Variants in TRPM2 observed in about 807,000 individuals in gnomAD.
TRPM2 encodes the protein estrogen-responsive element-associated gene 1 protein.
In TRPM2, 161 loss-of-function variants were observed where a neutral mutation model predicts 174.0. That is an observed-to-expected ratio of 0.93 (90% CI 0.81 to 1.05). The LOEUF (loss-of-function observed/expected upper bound fraction) is 1.05. Ranked by LOEUF, TRPM2 falls within the 50% of genes least tolerant of loss-of-function variation. TRPM2 has a pLI of 0.00. For synonymous variants in TRPM2, 954 were observed against 861.3 expected, an observed-to-expected ratio of 1.11 and a Z score of -1.88; for missense variants, 2,057 against 2,038.0, an observed-to-expected ratio of 1.01 and a Z score of -0.18.
At chr21:44,412,341 A>G (rs1425265154) in intron 19 of TRPM2, among the ~76,000 whole-genome samples, 5 of 151,908 alleles carry the variant, frequency 3.3e-5, no homozygotes, top group Non-Finnish European at 7.4e-5. Flanking sequence ...TCTTTCTAGG[A>G]ATTTGTCCAT....
In TRPM2 at chr21:44,418,155, G is replaced by A. The variant is rs1193142671; in HGVS notation, c.3328+47G>A. 1.9e-6 allele frequency: 3 copies of A among 1,575,710 alleles called. No individual in the cohort carries two copies. In the African/African-American group the frequency reaches 4.0e-5, roughly 21 times the overall value. Reference sequence around the variant, plus strand: ...TCCTGAATGTCCTGGCCACCCGGGTGCAGAGGGGGTGGAGATGGCATGGCA... The same window carrying A: ...TCCTGAATGTCCTGGCCACCCGGGTACAGAGGGGGTGGAGATGGCATGGCA... On this transcript the variant is annotated intron_variant, in intron 21 of 31. Coordinates refer to ENST00000397928, the MANE Select transcript of TRPM2 (RefSeq NM_003307.4).
At position 44,377,734 on chromosome 21, in the gene TRPM2, C is replaced by A. The variant is rs767415235; in HGVS notation, c.975C>A (p.Ile325=). Residue 325 remains isoleucine, a synonymous_variant, in exon 7 of 32, where the codon ATC becomes ATA. Transcript: ENST00000397928. The part of the protein sequence containing the change: ...ERGGVAIKIP[I]VCVVLEGGPG... ...TAGGTGTGGCCATCAAGATCCCCAT[C>A]GTGTGCGTGGTGCTGGAGGGCGGCC... 1.2e-6 allele frequency: 2 copies of A among 1,614,072 alleles called. No homozygotes were observed. The highest frequency in any genetic ancestry group is 2.7e-5 in the African/African-American group (2 of 74,946).
Position 44,391,016 on chromosome 21 carries a change from G to A in TRPM2, c.1431G>A (p.Trp477Ter). 1.2e-6 allele frequency: 2 copies of A among 1,613,988 alleles called. No individual in the cohort carries two copies. The highest frequency in any genetic ancestry group is 1.7e-6 in the Non-Finnish European group (2 of 1,180,036). ...IARSEIFMDEWQWKPSDLHPT... is the reference protein window; with the variant it reads ...IARSEIFMDE The stretch of plus-strand genomic sequence containing the variant: ...GCAGTGAGATCTTCATGGATGAGTG[G>A]CAGTGGAAGGTAAGTCTTCCAGAGC... Residue 477 changes from tryptophan to a stop codon, truncating the protein, a stop_gained, in exon 10 of 32, where the codon TGG (tryptophan) becomes TGA (stop). Coordinates refer to ENST00000397928, the MANE Select transcript of TRPM2 (RefSeq NM_003307.4). LOFTEE classifies it high-confidence loss of function. The surrounding 1 kb of genome is among the most constrained non-coding windows in gnomAD (Gnocchi z 5.0).
At chr21:44,402,077 C>T (rs1160223542) in intron 16 of TRPM2, among the ~76,000 whole-genome samples, 180 bp downstream of exon 16, 1 of 152,154 alleles carries the variant, frequency 6.6e-6, no homozygotes, top group East Asian at 1.9e-4. Context: ...CAAGCCCCTC[C>T]CTCCTCATGC....
intron 27 of TRPM2, among the ~76,000 whole-genome samples, chr21:44,434,430 CGGGGACTATGGCGGGGATGCTGCT>C (rs2146407954): frequency 6.6e-6 from 1 of 151,836 alleles, no homozygotes; most frequent in South Asian, 2.1e-4. Flanking sequence ...GGGATGCTGT[CGGGGACTATGGCGGGGATGCTGCT>C]GGGGACCTTC....
intron 2 of TRPM2, among the ~76,000 whole-genome samples, chr21:44,355,556 A>T (rs543180744): frequency 6.6e-6 from 1 of 151,854 alleles, no homozygotes; most frequent in Non-Finnish European, 1.5e-5. Context: ...CTCCTACCGC[A>T]CCGTGTGTTT....
At chr21:44,379,318 GC>G in intron 8 of TRPM2, 121 bp downstream of exon 8, 2 of 1,201,002 alleles carry the variant, frequency 1.7e-6, no homozygotes, top group Non-Finnish European at 2.4e-6. Context: ...CTGAGTGGGT[GC>G]CAGAGCGATT....
rs183183133 is a variant in TRPM2 at position 44,377,693 on chromosome 21, G to T, written c.953-19G>T. On this transcript the variant is annotated intron_variant, in intron 6 of 31. Transcript: ENST00000397928. ...CTTTGTTTAGGTGTGGCCCTCACTC[G>T]GCTGTGTGCTTTTTCTAGGTGTGGC... The T allele has an allele frequency of 3.7e-6, 6 of 1,613,794 alleles. No individual in the cohort carries two copies. The African/African-American group carries it at 6.7e-5, about 18-fold the overall frequency.
At position 44,378,947 on chromosome 21, in the gene TRPM2, C is replaced by T. The variant is rs199900637; in HGVS notation, c.1015-50C>T. 848 of 1,561,196 alleles carry T rather than the reference C, an allele frequency of 5.4e-4. 4 individuals carry two copies. The African/African-American group carries it at 9.5e-3, about 18-fold the overall frequency. On this transcript the variant is annotated intron_variant, in intron 7 of 31. Coordinates refer to ENST00000397928, the MANE Select transcript of TRPM2 (RefSeq NM_003307.4). The stretch of plus-strand genomic sequence containing the variant: ...GAGAATTCTCCATTTCAGAAAGCAT[C>T]GGAGCGGTGAGGACCCAGTCCCGGG...
At chr21:44,406,812 A>T (rs1318900516) in intron 19 of TRPM2, 47 bp downstream of exon 19, 1 of 1,558,982 alleles carries the variant, frequency 6.4e-7, no homozygotes, top group South Asian at 1.2e-5. Context: ...GCCGGGAAGC[A>T]GGAGAGAGGC....
At chr21:44,361,474 C>T (rs2048207537) in intron 2 of TRPM2, among the ~76,000 whole-genome samples, 1 of 152,222 alleles carries the variant, frequency 6.6e-6, no homozygotes, top group Non-Finnish European at 1.5e-5. Flanking sequence ...TGTGTCATTA[C>T]ACTTCAAGTG....
At chr21:44,416,917 C>T (rs1369160780) in intron 20 of TRPM2, among the ~76,000 whole-genome samples, 105 of 112,086 alleles carry the variant, frequency 9.4e-4, no homozygotes, top group Middle Eastern at 7.8e-3. Flanking sequence ...ACAGTGTGCA[C>T]GTGGGCGTGG....
In TRPM2 at chr21:44,437,153, T is replaced by C; in HGVS notation, c.4153T>C (p.Trp1385Arg). The C allele has an allele frequency of 6.4e-7, 1 of 1,551,188 alleles. No individual in the cohort carries two copies. Among genetic ancestry groups the C allele is most frequent in the Non-Finnish European group, 8.7e-7 (1 of 1,146,816 alleles). ...GGTGAAGCTCCCTCTCTCCGAGCAC[T>C]GGGCCCTGCCTGGGGTAAGGCTGCC... Reference protein sequence around the residue: ...LVVKLPLSEHWALPGGSREPG... With the variant: ...LVVKLPLSEHRALPGGSREPG... Residue 1385 changes from tryptophan (W) to arginine (R), a missense_variant, in exon 29 of 32, where the codon TGG becomes CGG. Coordinates refer to ENST00000397928, the MANE Select transcript of TRPM2 (RefSeq NM_003307.4).
At chr21:44,401,065 A>T (rs2049601413) in intron 15 of TRPM2, among the ~76,000 whole-genome samples, 1 of 152,104 alleles carries the variant, frequency 6.6e-6, no homozygotes, top group Admixed American at 6.5e-5. Flanking sequence ...AGTGTTCAGG[A>T]ATCCTGGTGG....
At chr21:44,368,424 A>AT (rs936926639) in intron 4 of TRPM2, among the ~76,000 whole-genome samples, 4 of 135,342 alleles carry the variant, frequency 3.0e-5, no homozygotes, top group Admixed American at 7.4e-5. Context: ...TGTTTTTTTT[A>AT]TTTTTTTGTT....
At position 44,353,833 on chromosome 21, in the gene TRPM2, A is replaced by C. The variant is rs2047978620; in HGVS notation, c.133A>C (p.Arg45=). 6.2e-7 allele frequency: 1 copy of C among 1,601,512 alleles called. No individual in the cohort carries two copies. Among genetic ancestry groups the C allele is most frequent in the Non-Finnish European group, 8.5e-7 (1 of 1,174,896 alleles). Residue 45 remains arginine (R), a synonymous_variant, in exon 1 of 32, where the codon AGG becomes CGG. Transcript: ENST00000397928. The stretch of plus-strand genomic sequence containing the variant: ...CAACAGCAGCCTCTTCAAGAGCTGG[A>C]GGCTACAGTGCCCCTTCGGCAACAA... ...RSNSSLFKSW[R]LQCPFGNNDK...
Position 44,354,819 on chromosome 21 carries a change from C to G in TRPM2, c.254+83C>G. ...AGTAGCTGATCAGGCCAAGACCCCTCAGGGCCTCAGTGAAGGGTCACTGGA... is the reference window on the plus strand; with the variant it reads ...AGTAGCTGATCAGGCCAAGACCCCTGAGGGCCTCAGTGAAGGGTCACTGGA... On this transcript the variant is annotated intron_variant, in intron 2 of 31. Transcript: ENST00000397928. This position sits in a 1 kb window ranked among gnomAD's most constrained non-coding sequence, Gnocchi z 4.3. 8.0e-7 allele frequency: 1 copy of G among 1,252,310 alleles called. No homozygotes were observed. The highest frequency in any genetic ancestry group is 1.2e-5 in the South Asian group (1 of 83,146). The allele number at this position is 1,252,310 out of a possible 1,614,324, so 77.6% of individuals were successfully genotyped here.
At chr21:44,384,841 G>C (rs2048975985) in intron 9 of TRPM2, among the ~76,000 whole-genome samples, 2 of 152,178 alleles carry the variant, frequency 1.3e-5, no homozygotes, top group Non-Finnish European at 2.9e-5. Flanking sequence ...AGGGCTGATA[G>C]CTTCACTGGT....
In TRPM2 at chr21:44,395,468, T is replaced by C. The variant is rs1414761877; in HGVS notation, c.1849T>C (p.Phe617Leu). 5.0e-6 allele frequency: 8 copies of C among 1,613,046 alleles called. No homozygotes were observed. In the South Asian group the frequency reaches 8.8e-5, roughly 18 times the overall value. Reference sequence around the variant, plus strand: ...CAAGCGTTCCTCAGGCCATGTGACCTTCACCATGGACCCCATCCGTGACCT... The same window carrying C: ...CAAGCGTTCCTCAGGCCATGTGACCCTCACCATGGACCCCATCCGTGACCT... ...LYKRSSGHVT[F>L]TMDPIRDLLI... The change falls in exon 12 of 32, where the codon TTC (phenylalanine) becomes CTC (leucine). Residue 617 changes from phenylalanine to leucine, a missense_variant. Coordinates refer to ENST00000397928, the MANE Select transcript of TRPM2 (RefSeq NM_003307.4).
Sources: allele counts gnomAD v4.1 joint callset (sites outside exome capture counted in the v4.1 genomes callset), GRCh38; gene constraint gnomAD v4.1.1; non-coding constraint Gnocchi (gnomAD v3.1); transcripts MANE v1.5; gene names NCBI Gene and HGNC (gene_info 2026-07-23, HGNC 2026-07-21).